The following EXT2 variants were observed in gnomAD, a reference collection of about 807,000 sequenced individuals.
EXT2 encodes exostosin glycosyltransferase 2.
In EXT2, 53 loss-of-function variants were observed where a neutral mutation model predicts 81.6. That is an observed-to-expected ratio of 0.65 (90% CI 0.52 to 0.82). The LOEUF (loss-of-function observed/expected upper bound fraction) is 0.82. Among genes scored for constraint, EXT2 ranks in the 40% least tolerant of loss-of-function variants. The probability of loss-of-function intolerance (pLI) is 0.00; values close to 1 mark genes in which losing one functional copy is unlikely to be tolerated. For synonymous variants in EXT2, 320 were observed against 340.0 expected (o/e 0.94, Z 0.65); for missense variants, 774 against 910.2 (o/e 0.85, Z 1.93).
chr11:44,112,794 A>C (rs546817389), intron 3 of EXT2, among the ~76,000 whole-genome samples: 1 of 152,342 alleles, frequency 6.6e-6, no homozygotes, highest in East Asian at 1.9e-4. Flanking sequence ...ACAGAATAAC[A>C]GTAAAGGTTG....
intron 10 of EXT2, among the ~76,000 whole-genome samples, chr11:44,209,923 C>T (rs1422272339): frequency 6.6e-6 from 1 of 152,176 alleles, no homozygotes; most frequent in East Asian, 1.9e-4. Context: ...TGTGCCTAAC[C>T]CAGTTCATTG....
intron 7 of EXT2, among the ~76,000 whole-genome samples, chr11:44,156,466 ATTCT>A (rs1954857009): frequency 6.6e-6 from 1 of 151,986 alleles, no homozygotes; most frequent in Admixed American, 6.6e-5. Context: ...AAGCTCACTA[ATTCT>A]TTCTTTTGCT....
chr11:44,204,703 C>T (rs946449815), intron 9 of EXT2, among the ~76,000 whole-genome samples: 9 of 152,178 alleles, frequency 5.9e-5, no homozygotes, highest in Non-Finnish European at 7.3e-5. Context: ...ACTACTCATG[C>T]AAGGGATCTA....
Position 44,220,359 on chromosome 11 carries a change from G to A in EXT2, c.1663-11994G>A, listed in dbSNP as rs138670659. 4.6e-5 allele frequency among the ~76,000 whole-genome samples: 7 copies of A among 152,228 alleles called. No homozygotes were observed. The highest frequency in any genetic ancestry group is 1.9e-4 in the East Asian group (1 of 5,178). On this transcript the variant is annotated intron_variant, in intron 10 of 13. Coordinates refer to ENST00000533608, the MANE Select transcript of EXT2 (RefSeq NM_207122.2). The surrounding 1 kb of genome is among the most constrained non-coding windows in gnomAD (Gnocchi z 4.4). The stretch of plus-strand genomic sequence containing the variant: ...TATCTGAGTAAGCAACAGTTCCCCC[G>A]AGTACCTTTCCTTAGCCTGGCCATA...
At chr11:44,197,504 TTTATA>T (rs1298724888) in intron 8 of EXT2, among the ~76,000 whole-genome samples, 1 of 152,144 alleles carries the variant, frequency 6.6e-6, no homozygotes, top group Non-Finnish European at 1.5e-5. Flanking sequence ...TCCTTGTAGA[TTTATA>T]TTCTTTTATA....
intron 4 of EXT2, among the ~76,000 whole-genome samples, chr11:44,121,120 C>T (rs1000577081): frequency 2.0e-5 from 3 of 152,138 alleles, no homozygotes; most frequent in Non-Finnish European, 4.4e-5. Flanking sequence ...AGAAGGCGCA[C>T]GTGGAATGTT....
At chr11:44,242,055 G>A (rs570388025) in intron 13 of EXT2, among the ~76,000 whole-genome samples, 13 of 152,268 alleles carry the variant, frequency 8.5e-5, no homozygotes, top group East Asian at 3.9e-4. Flanking sequence ...TCCTGTTGGC[G>A]GATCTAGTTA....
At chr11:44,194,336 T>C (rs1329321455) in intron 8 of EXT2, among the ~76,000 whole-genome samples, 1 of 152,200 alleles carries the variant, frequency 6.6e-6, no homozygotes, top group African/African-American at 2.4e-5. Flanking sequence ...TGGGGTGGGT[T>C]CTTGCTTATT....
At chr11:44,144,778 G>A (rs552914710) in intron 7 of EXT2, among the ~76,000 whole-genome samples, 56 of 152,210 alleles carry the variant, frequency 3.7e-4, no homozygotes, top group Admixed American at 3.3e-3. Context: ...ACATGGGAGC[G>A]TTCCCTCAGA....
intron 10 of EXT2, among the ~76,000 whole-genome samples, chr11:44,229,648 A>G (rs1476696188): frequency 6.6e-6 from 1 of 152,230 alleles, no homozygotes; most frequent in African/African-American, 2.4e-5. Context: ...AAGTCACAAC[A>G]TGTGCTTTAG....
At position 44,206,804 on chromosome 11, in the gene EXT2, C is replaced by A; in HGVS notation, c.1507C>A (p.Pro503Thr). 6.2e-7 allele frequency: 1 copy of A among 1,613,986 alleles called. No individual in the cohort carries two copies. Among genetic ancestry groups the A allele is most frequent in the Non-Finnish European group, 8.5e-7 (1 of 1,179,954 alleles). The change falls in exon 10 of 14, where the codon CCC (proline) becomes ACC (threonine). Residue 503 changes from proline to threonine, a missense_variant. Transcript: ENST00000533608. ...TTCTCTTTTTCCAGATTCTCTCTGG[C>A]CCAAAATCCGGGTTCCATTAAAAGT... ...NKNPPEDSLW[P>T]KIRVPLKVVR...
chr11:44,195,432 C>CA (rs796469230), intron 8 of EXT2, among the ~76,000 whole-genome samples: 2,298 of 141,134 alleles, frequency 0.016, 42 homozygotes, highest in African/African-American at 0.048. Flanking sequence ...AACTCTGTCT[C>CA]AAAAAAAAAA....
intron 4 of EXT2, among the ~76,000 whole-genome samples, chr11:44,119,848 G>A (rs917481900): frequency 2.6e-5 from 4 of 152,234 alleles, no homozygotes; most frequent in African/African-American, 9.6e-5. Context: ...GAAACCCTGG[G>A]TGAGGCAGAG....
chr11:44,246,277 A>G lies in EXT2; in HGVS notation c.*1990A>G, dbSNP rs148643662. 3.9e-4 allele frequency among the ~76,000 whole-genome samples: 60 copies of G among 152,346 alleles called. No homozygotes were observed. The highest frequency in any genetic ancestry group is 3.4e-3 in the Middle Eastern group (1 of 294). ...ACTGTGCTGGCATTGTGTATGTGTC[A>G]TATTGCCCTGGTTTCTTCAAATTTC... On this transcript the variant is annotated 3_prime_UTR_variant, in exon 14 of 14. Transcript: ENST00000533608.
At chr11:44,151,128 A>G (rs1954786100) in intron 7 of EXT2, among the ~76,000 whole-genome samples, 1 of 152,216 alleles carries the variant, frequency 6.6e-6, no homozygotes, top group Non-Finnish European at 1.5e-5. Flanking sequence ...AGCAGAAACT[A>G]CAAAGAGTTC....
At chr11:44,224,376 G>C (rs1312576242) in intron 10 of EXT2, among the ~76,000 whole-genome samples, 1 of 151,704 alleles carries the variant, frequency 6.6e-6, no homozygotes, top group Non-Finnish European at 1.5e-5. Flanking sequence ...ATATTTATTA[G>C]ATATATGTGT....
At chr11:44,209,534 C>G (rs910020846) in intron 10 of EXT2, among the ~76,000 whole-genome samples, 2 of 152,172 alleles carry the variant, frequency 1.3e-5, no homozygotes, top group African/African-American at 4.8e-5. Flanking sequence ...GCTCCTAAAT[C>G]CTGCTTTTTA....
chr11:44,109,218 G>A lies in EXT2; in HGVS notation c.561G>A (p.Leu187=), dbSNP rs998192765. The change falls in exon 3 of 14, where the codon CTG becomes CTA. Residue 187 remains leucine (L), a synonymous_variant. Coordinates refer to ENST00000533608, the MANE Select transcript of EXT2 (RefSeq NM_207122.2). Reference sequence around the variant, plus strand: ...GGTGGGATCGAGGTACGAATCACCTGTTGTTCAACATGTTGCCTGGAGGTC... The same window carrying A: ...GGTGGGATCGAGGTACGAATCACCTATTGTTCAACATGTTGCCTGGAGGTC... ...LSRWDRGTNH[L]LFNMLPGGPP... 1.9e-6 allele frequency: 3 copies of A among 1,614,092 alleles called. No individual in the cohort carries two copies. The highest frequency in any genetic ancestry group is 2.5e-6 in the Non-Finnish European group (3 of 1,179,996).
At chr11:44,096,631 G>A (rs1167774308) in intron 1 of EXT2, among the ~76,000 whole-genome samples, 1 of 152,204 alleles carries the variant, frequency 6.6e-6, no homozygotes, top group Non-Finnish European at 1.5e-5. Flanking sequence ...TTAGTCTCGG[G>A]ACTAGGTGGC....
Sources: allele counts gnomAD v4.1 joint callset (sites outside exome capture counted in the v4.1 genomes callset), GRCh38; gene constraint gnomAD v4.1.1; non-coding constraint Gnocchi (gnomAD v3.1); transcripts MANE v1.5; gene names NCBI Gene and HGNC (gene_info 2026-07-23, HGNC 2026-07-21).